The following RNF169 variants were observed in gnomAD, a reference collection of about 807,000 sequenced individuals.
RNF169 encodes ring finger protein 169, also known as E3 ubiquitin-protein ligase RNF169.
A neutral mutation model predicts 53.9 loss-of-function variants in RNF169; 24 were observed. The ratio of observed to expected loss-of-function variants is 0.45; its 90% confidence interval spans 0.32 to 0.63. The LOEUF is 0.63. Among genes scored for constraint, RNF169 ranks in the 20% least tolerant of loss-of-function variants. RNF169 has a pLI of 0.04. For missense variants in RNF169, 883 were observed against 906.2 expected (o/e 0.97, Z 0.33); for synonymous variants, 396 against 363.5 (o/e 1.09, Z -1.02).
chr11:74,757,244 G>A (rs1268870625), intron 1 of RNF169, among the ~76,000 whole-genome samples: 3 of 125,050 alleles, frequency 2.4e-5, no homozygotes, highest in African/African-American at 9.7e-5. Context: ...GAGAATATGC[G>A]GTGTTTGGTT....
intron 4 of RNF169, among the ~76,000 whole-genome samples, chr11:74,828,974 A>G (rs1188169018): frequency 6.6e-6 from 1 of 152,270 alleles, no homozygotes; most frequent in Non-Finnish European, 1.5e-5. Context: ...CAATTGCACC[A>G]AAAGTAAAAT....
intron 1 of RNF169, among the ~76,000 whole-genome samples, chr11:74,785,388 A>G (rs1039612383): frequency 2.0e-5 from 3 of 149,342 alleles, no homozygotes; most frequent in Non-Finnish European, 4.4e-5. Context: ...ACTCTCGCTT[A>G]ATTGACAGAG....
At chr11:74,751,489 T>C (rs1370634671) in intron 1 of RNF169, among the ~76,000 whole-genome samples, 1 of 152,220 alleles carries the variant, frequency 6.6e-6, no homozygotes, top group Non-Finnish European at 1.5e-5. Context: ...ATTTCTAAGC[T>C]TGGAGACTGT....
intron 1 of RNF169, 99 bp downstream of exon 1, chr11:74,749,481 G>A (rs2034850587): frequency 2.0e-6 from 2 of 1,017,220 alleles, no homozygotes; most frequent in African/African-American, 1.7e-5. Flanking sequence ...CTACTCGGGC[G>A]GGTGTGGAGA....
At position 74,840,714 on chromosome 11, in the gene RNF169, G is replaced by A. The variant is rs1215244389; in HGVS notation, c.*3984G>A. 1 of 151,574 alleles carries A rather than the reference G, an allele frequency of 6.6e-6. No homozygotes were observed. The highest frequency in any genetic ancestry group is 2.4e-5 in the African/African-American group (1 of 41,232). The allele number at this position is 151,574 out of a possible 1,614,324, so 9.4% of individuals were successfully genotyped here. On this transcript the variant is annotated 3_prime_UTR_variant, in exon 6 of 6. Coordinates refer to ENST00000299563, the MANE Select transcript of RNF169 (RefSeq NM_001098638.2). ...AAAAGAGAACAAAGGCTGGGTCACAGTCATAGAATGTTACAGCTGGAATGG... is the reference window on the plus strand; with the variant it reads ...AAAAGAGAACAAAGGCTGGGTCACAATCATAGAATGTTACAGCTGGAATGG...
At chr11:74,791,344 C>CCCGCAGAACTGGCAGCCCAGT (rs2035577306) in intron 2 of RNF169, among the ~76,000 whole-genome samples, 1 of 152,236 alleles carries the variant, frequency 6.6e-6, no homozygotes, top group Non-Finnish European at 1.5e-5. Context: ...GGCAGCCCAG[C>CCCGCAGAACTGGCAGCCCAGT]CCCTGGCTTC....
intron 3 of RNF169, among the ~76,000 whole-genome samples, chr11:74,814,837 T>C (rs1234179320): frequency 1.3e-5 from 2 of 152,232 alleles, no homozygotes; most frequent in African/African-American, 4.8e-5. Context: ...CTCATTTTTT[T>C]CTTATTAGTT....
rs1243187829 is a variant in RNF169, at chr11:74,839,707, G to T, written c.*2977G>T. On this transcript the variant is annotated 3_prime_UTR_variant, in exon 6 of 6. Transcript: ENST00000299563. ...AAATCCAGGAAATGTGGTGCCCTTA[G>T]AAGGGGGCTGTCAGCTCTTTTCCAT... The T allele has an allele frequency of 6.6e-6, 1 of 152,154 alleles. No individual in the cohort carries two copies. The highest frequency in any genetic ancestry group is 1.5e-5 in the Non-Finnish European group (1 of 68,046). The allele number at this position is 152,154 out of a possible 1,614,324, so 9.4% of individuals were successfully genotyped here.
intron 1 of RNF169, among the ~76,000 whole-genome samples, chr11:74,780,367 C>T (rs1458976637): frequency 6.6e-6 from 1 of 152,180 alleles, no homozygotes; most frequent in Non-Finnish European, 1.5e-5. Flanking sequence ...CATTACTGCC[C>T]ACACACCCTA....
intron 2 of RNF169, among the ~76,000 whole-genome samples, chr11:74,790,569 GCTGTGCTCAGCTCGCACTACCAGC>G (rs2035565051): frequency 6.6e-6 from 1 of 152,210 alleles, no homozygotes; most frequent in Admixed American, 6.5e-5. Flanking sequence ...ATCCTGGCAG[GCTGTGCTCAGCTCGCACTACCAGC>G]CTGGATCTCA....
At chr11:74,756,296 A>G (rs1231429596) in intron 1 of RNF169, among the ~76,000 whole-genome samples, 1 of 152,192 alleles carries the variant, frequency 6.6e-6, no homozygotes, top group Non-Finnish European at 1.5e-5. Context: ...ATAATTGTAG[A>G]AGGCAGTATA....
rs146029313 is a variant in RNF169 at position 74,836,875 on chromosome 11, A to G, written c.*145A>G. On this transcript the variant is annotated 3_prime_UTR_variant, in exon 6 of 6. Coordinates refer to ENST00000299563, the MANE Select transcript of RNF169 (RefSeq NM_001098638.2). ...GAGAGGTTCCAGGGCCTTTGTAGTC[A>G]ATATCCAAGGGAAAAGCATCTCCGT... The G allele has an allele frequency of 1.0e-4, 67 of 644,746 alleles. No individual in the cohort carries two copies. In the African/African-American group the frequency reaches 1.1e-3, roughly 10 times the overall value. The allele number at this position is 644,746 out of a possible 1,614,324, so 39.9% of individuals were successfully genotyped here. A position where few individuals can be genotyped will look rare whatever the true frequency, so the allele number is the denominator to read the frequency against.
chr11:74,770,334 A>G (rs1481756484), intron 1 of RNF169, among the ~76,000 whole-genome samples: 1 of 152,246 alleles, frequency 6.6e-6, no homozygotes, highest in East Asian at 1.9e-4. Context: ...ATAAATTGCC[A>G]CTAGCTTTTC....
At chr11:74,817,738 G>GCATCAGTC in intron 4 of RNF169, 24 bp downstream of exon 4, 6 of 1,455,068 alleles carry the variant, frequency 4.1e-6, no homozygotes, top group Non-Finnish European at 4.8e-6. Flanking sequence ...GCTGAATTCA[G>GCATCAGTC]TCAGGGGTCT....
chr11:74,804,819 A>T (rs534077730), intron 2 of RNF169, among the ~76,000 whole-genome samples: 1 of 152,220 alleles, frequency 6.6e-6, no homozygotes, highest in African/African-American at 2.4e-5. Flanking sequence ...GTATCTAACA[A>T]TGGACTTATA....
intron 1 of RNF169, among the ~76,000 whole-genome samples, chr11:74,772,472 GTTTTT>G (rs35350939): frequency 4.7e-5 from 6 of 128,172 alleles, no homozygotes; most frequent in African/African-American, 5.7e-5. Context: ...AGGGATGCTG[GTTTTT>G]TTTTTTTTTT....
intron 2 of RNF169, among the ~76,000 whole-genome samples, chr11:74,804,769 T>C (rs780862279): frequency 1.3e-5 from 2 of 152,224 alleles, no homozygotes; most frequent in Non-Finnish European, 2.9e-5. Context: ...TTGCTTGAAG[T>C]TTCAGTTTCT....
intron 4 of RNF169, among the ~76,000 whole-genome samples, chr11:74,829,988 G>A (rs946541041): frequency 3.3e-5 from 5 of 152,118 alleles, no homozygotes; most frequent in South Asian, 4.2e-4. Flanking sequence ...CACATCCTGC[G>A]CATGTACCCC....
In RNF169 at chr11:74,749,080, G is replaced by A; in HGVS notation, c.200G>A (p.Gly67Asp). Residue 67 changes from glycine to aspartate, a missense_variant, in exon 1 of 6, where the codon GGC (glycine) becomes GAC (aspartate). Gly to Asp is a moderately conservative substitution (Grantham distance 94). Transcript: ENST00000299563. ...CTGCCGCCGCGGCCGGAGGAATCGG[G>A]CTGCGCCGGGTGCCTGGAGCCCCCC... ...PPLPPRPEES[G>D]CAGCLEPPGE... The A allele has an allele frequency of 6.9e-7, 1 of 1,453,738 alleles. No individual in the cohort carries two copies. Among genetic ancestry groups the A allele is most frequent in the East Asian group, 3.0e-5 (1 of 33,274 alleles). The allele number at this position is 1,453,738 out of a possible 1,614,324, so 90.1% of individuals were successfully genotyped here. A position where few individuals can be genotyped will look rare whatever the true frequency, so the allele number is the denominator to read the frequency against.
Sources: allele counts gnomAD v4.1 joint callset (sites outside exome capture counted in the v4.1 genomes callset), GRCh38; gene constraint gnomAD v4.1.1; transcripts MANE v1.5; gene names NCBI Gene and HGNC (gene_info 2026-07-23, HGNC 2026-07-21).